The following MOV10L1 variants were observed in gnomAD, a reference collection of about 807,000 sequenced individuals.
The protein encoded by MOV10L1 is RNA helicase Mov10l1.
In MOV10L1, 110 loss-of-function variants were observed where a neutral mutation model predicts 143.8. That is an observed-to-expected ratio of 0.76 (90% CI 0.66 to 0.90). MOV10L1 has a LOEUF of 0.90. Among genes scored for constraint, MOV10L1 ranks in the 40% least tolerant of loss-of-function variants. The pLI, the probability that MOV10L1 is intolerant of heterozygous loss-of-function variation, is 0.00. For synonymous variants in MOV10L1, 593 were observed against 581.1 expected (o/e 1.02, Z -0.29); for missense variants, 1,406 against 1,526.8 (o/e 0.92, Z 1.32).
intron 12 of MOV10L1, 143 bp from the exon 13 acceptor site, chr22:50,128,273 G>A (rs542875750): frequency 4.2e-5 from 25 of 591,120 alleles, no homozygotes; most frequent in Middle Eastern, 4.2e-4. Flanking sequence ...ATCGAATGGC[G>A]TAATGATTTA....
chr22:50,153,528 C>T lies in MOV10L1; in HGVS notation c.3066+310C>T, dbSNP rs117838793. Among the ~76,000 whole-genome samples, 1,402 of 152,292 alleles carry T rather than the reference C, an allele frequency of 9.2e-3. 19 individuals are homozygous for T. Among genetic ancestry groups the T allele is most frequent in the East Asian group, 0.038 (195 of 5,172 alleles). On this transcript the variant is annotated intron_variant, in intron 22 of 26. Transcript: ENST00000262794. ...GCTCTGGAGGGCCTGGGGAAGCTCGCAGGGCCATGTGGCTGGGGACGCCCC... is the reference window on the plus strand; with the variant it reads ...GCTCTGGAGGGCCTGGGGAAGCTCGTAGGGCCATGTGGCTGGGGACGCCCC...
intron 19 of MOV10L1, 25 bp downstream of exon 19, chr22:50,145,835 C>A: frequency 6.2e-7 from 1 of 1,612,284 alleles, no homozygotes; most frequent in African/African-American, 1.3e-5. Context: ...TGGAGCGCGG[C>A]ATGGGGCCTC....
At position 50,160,674 on chromosome 22, in the gene MOV10L1, C is replaced by T. The variant is rs369600153; in HGVS notation, c.3325-14C>T. The T allele has an allele frequency of 3.0e-5, 49 of 1,610,230 alleles. No homozygotes were observed. Among genetic ancestry groups the T allele is most frequent in the Admixed American group, 5.0e-5 (3 of 59,416 alleles). ...CTTCAAGTGCCATTTTTATTCATCTCTGTGTGCTTTTAGGTACGGTCAAAT... is the reference window on the plus strand; with the variant it reads ...CTTCAAGTGCCATTTTTATTCATCTTTGTGTGCTTTTAGGTACGGTCAAAT... On this transcript the variant is annotated splice_polypyrimidine_tract_variant and intron_variant, in intron 24 of 26. Coordinates refer to ENST00000262794, the MANE Select transcript of MOV10L1 (RefSeq NM_018995.3).
intron 12 of MOV10L1, among the ~76,000 whole-genome samples, chr22:50,126,770 T>C (rs1252085603): frequency 6.6e-6 from 1 of 152,172 alleles, no homozygotes; most frequent in Non-Finnish European, 1.5e-5. Flanking sequence ...AGGTGCTCTA[T>C]CTGTGCATCA....
At chr22:50,138,645 T>A (rs947164359) in intron 15 of MOV10L1, among the ~76,000 whole-genome samples, 2 of 152,194 alleles carry the variant, frequency 1.3e-5, no homozygotes, top group Non-Finnish European at 2.9e-5. Context: ...AGATACAAGA[T>A]CAGTGTAGAA....
intron 15 of MOV10L1, among the ~76,000 whole-genome samples, chr22:50,141,708 C>G (rs766956298): frequency 6.6e-6 from 1 of 152,072 alleles, no homozygotes; most frequent in Non-Finnish European, 1.5e-5. Flanking sequence ...CCCGTGAGAC[C>G]CAGAGCCCTG....
chr22:50,142,402 G>T (rs2063015292), intron 16 of MOV10L1, among the ~76,000 whole-genome samples: 1 of 152,192 alleles, frequency 6.6e-6, no homozygotes, highest in South Asian at 2.1e-4. Flanking sequence ...TTTTTTTCCA[G>T]GTACTCTGCA....
At chr22:50,139,470 A>T (rs1397826741) in intron 15 of MOV10L1, among the ~76,000 whole-genome samples, 1 of 152,000 alleles carries the variant, frequency 6.6e-6, no homozygotes, top group Non-Finnish European at 1.5e-5. Context: ...CCAGTGACCC[A>T]GGAGACTGAG....
At chr22:50,151,981 C>T (rs1026725294) in intron 21 of MOV10L1, among the ~76,000 whole-genome samples, 2 of 152,244 alleles carry the variant, frequency 1.3e-5, no homozygotes, top group African/African-American at 2.4e-5. Flanking sequence ...AGCAGCTGCC[C>T]ATGTCCAGCT....
In MOV10L1 at chr22:50,108,246, A is replaced by G. The variant is rs2061926489; in HGVS notation, c.553A>G (p.Lys185Glu). The G allele has an allele frequency of 2.5e-6, 4 of 1,611,986 alleles. No homozygotes were observed. The highest frequency in any genetic ancestry group is 3.4e-6 in the Non-Finnish European group (4 of 1,179,176). ...GCCACTGAGATACAAGCGCGTGGACAAGGTAGCGTGCCGACTAGTGGCTCC... is the reference window on the plus strand; with the variant it reads ...GCCACTGAGATACAAGCGCGTGGACGAGGTAGCGTGCCGACTAGTGGCTCC... Reference protein sequence around the residue: ...VKPLRYKRVDKVCISSLCGRN... With the variant: ...VKPLRYKRVDEVCISSLCGRN... Residue 185 changes from lysine to glutamate, a missense_variant and splice_region_variant, in exon 4 of 27, where the codon AAG becomes GAG. Physicochemically the swap from Lys to Glu is moderately conservative, Grantham distance 56. This residue lies in a region of MOV10L1 where 1,233 missense variants were observed against 1,351.4 expected (regional missense o/e 0.91). Transcript: ENST00000262794.
At chr22:50,126,445 A>G (rs187915944) in intron 12 of MOV10L1, among the ~76,000 whole-genome samples, 173 bp downstream of exon 12, 1 of 152,368 alleles carries the variant, frequency 6.6e-6, no homozygotes, top group Admixed American at 6.5e-5. Context: ...AAGGAAACTT[A>G]ATACTATAAT....
At chr22:50,116,156 G>GCA (rs1390838987) in intron 8 of MOV10L1, among the ~76,000 whole-genome samples, 1 of 150,700 alleles carries the variant, frequency 6.6e-6, no homozygotes, top group Non-Finnish European at 1.5e-5. Context: ...GGTGGCAAGT[G>GCA]CACAGTCAGC....
intron 19 of MOV10L1, chr22:50,147,233 T>A (rs112246087): frequency 1.5e-6 from 1 of 675,638 alleles, no homozygotes; most frequent in Non-Finnish European, 2.6e-6. Flanking sequence ...TGCAGGCCGC[T>A]CTCTCAGAGG....
At chr22:50,146,534 G>A (rs1308103857) in intron 19 of MOV10L1, among the ~76,000 whole-genome samples, 1 of 152,140 alleles carries the variant, frequency 6.6e-6, no homozygotes, top group Non-Finnish European at 1.5e-5. Context: ...AGTGTCGGGG[G>A]CACAGGCTGA....
intron 12 of MOV10L1, among the ~76,000 whole-genome samples, chr22:50,126,748 G>GCATGA (rs1180306661): frequency 2.6e-5 from 4 of 152,288 alleles, no homozygotes; most frequent in Non-Finnish European, 4.4e-5. Flanking sequence ...ACTGGGATCT[G>GCATGA]CATGAGAAGG....
At chr22:50,135,500 C>G (rs1322362220) in intron 15 of MOV10L1, among the ~76,000 whole-genome samples, 1 of 151,750 alleles carries the variant, frequency 6.6e-6, no homozygotes, top group Non-Finnish European at 1.5e-5. Context: ...CGCCTGTAAT[C>G]CCAGCACTTT....
Position 50,090,547 on chromosome 22 carries a change from C to T in MOV10L1, c.97+362C>T, listed in dbSNP as rs758887431. Reference sequence around the variant, plus strand: ...GAAAGCCCCGAAAAACGCGGCCCCGCAGACTTGGCCTGTCCTTTCAGAACG... The same window carrying T: ...GAAAGCCCCGAAAAACGCGGCCCCGTAGACTTGGCCTGTCCTTTCAGAACG... On this transcript the variant is annotated intron_variant, in intron 1 of 26. Coordinates refer to ENST00000262794, the MANE Select transcript of MOV10L1 (RefSeq NM_018995.3). 24 of 1,596,078 alleles carry T rather than the reference C, an allele frequency of 1.5e-5. No homozygotes were observed. In the African/African-American group the frequency reaches 2.7e-4, roughly 18 times the overall value.
chr22:50,110,709 T>C (rs936453097), intron 5 of MOV10L1, among the ~76,000 whole-genome samples: 1 of 151,998 alleles, frequency 6.6e-6, no homozygotes, highest in Non-Finnish European at 1.5e-5. Context: ...GGCGGGCGGA[T>C]TGCCTGAGCT....
chr22:50,099,473 G>C lies in MOV10L1; in HGVS notation c.313G>C (p.Asp105His). Residue 105 changes from aspartate to histidine, a missense_variant, in exon 3 of 27, where the codon GAC (aspartate) becomes CAC (histidine). Transcript: ENST00000262794. ...VEAVSDKWED[D>H]SRNHGSPSDC... Reference sequence around the variant, plus strand: ...AGCTGTCTCTGATAAGTGGGAAGACGACAGCAGAAACCATGGGAGTCCCTC... The same window carrying C: ...AGCTGTCTCTGATAAGTGGGAAGACCACAGCAGAAACCATGGGAGTCCCTC... 1 of 1,614,120 alleles carries C rather than the reference G, an allele frequency of 6.2e-7. No homozygotes were observed. Among genetic ancestry groups the C allele is most frequent in the Non-Finnish European group, 8.5e-7 (1 of 1,180,006 alleles).
Sources: gnomAD v4.1 joint callset for allele counts (sites outside exome capture counted in the v4.1 genomes callset) on GRCh38, gnomAD v4.1.1 for gene constraint, gnomAD v4.1.1 regional missense constraint, MANE v1.5 for transcripts, NCBI Gene and HGNC (gene_info 2026-07-23, HGNC 2026-07-21) for gene names.